Variants in NRXN1 observed in about 807,000 individuals in gnomAD.
The protein encoded by NRXN1 is neurexin-1.
In NRXN1, 39 loss-of-function variants were observed where a neutral mutation model predicts 150.9. That is an observed-to-expected ratio of 0.26 (90% confidence interval 0.20 to 0.34). NRXN1 has a LOEUF of 0.34. Ranked by LOEUF, NRXN1 falls within the 10% of genes least tolerant of loss-of-function variation. The pLI is 1.00. For synonymous variants in NRXN1, 924 were observed against 757.0 expected, an observed-to-expected ratio of 1.22 and a Z score of -3.62; for missense variants, 1,815 against 1,949.9, an observed-to-expected ratio of 0.93 and a Z score of 1.30.
At chr2:50,250,116 T>C (rs2066902546) in intron 17 of NRXN1, among the ~76,000 whole-genome samples, 1 of 152,176 alleles carries the variant, frequency 6.6e-6, no homozygotes, top group African/African-American at 2.4e-5. Context: ...AGTTTATTTT[T>C]TGAAATAGTA....
intron 17 of NRXN1, among the ~76,000 whole-genome samples, chr2:50,342,013 A>G (rs967670495): frequency 6.6e-6 from 1 of 152,214 alleles, no homozygotes; most frequent in African/African-American, 2.4e-5. Flanking sequence ...ACTAAGTTGT[A>G]AACTTCTTGA....
At chr2:50,748,174 A>G (rs1304711105) in intron 5 of NRXN1, among the ~76,000 whole-genome samples, 1 of 152,146 alleles carries the variant, frequency 6.6e-6, no homozygotes, top group African/African-American at 2.4e-5. Context: ...TAACCCAACC[A>G]AGACTGCTGA....
rs2065100217 is a variant in NRXN1 at position 50,233,069 on chromosome 2, A to T, written c.3546+3720T>A. 2.3e-5 allele frequency among the ~76,000 whole-genome samples: 3 copies of T among 129,116 alleles called. No individual in the cohort carries two copies. In the South Asian group the frequency reaches 7.6e-4, roughly 33 times the overall value. 84.7% of individuals were successfully genotyped at this position (129,116 alleles called of 152,430 possible). On this transcript the variant is annotated intron_variant, in intron 18 of 22. Transcript: ENST00000401669. Reference sequence around the variant, plus strand: ...TGTCTGTCACTTTACTTGACTGTTAAATAATTGAAGATCTACACTCATCCT... The same window carrying T: ...TGTCTGTCACTTTACTTGACTGTTATATAATTGAAGATCTACACTCATCCT...
chr2:50,943,581 C>G (rs906785823), intron 2 of NRXN1, among the ~76,000 whole-genome samples: 2 of 152,130 alleles, frequency 1.3e-5, no homozygotes, highest in African/African-American at 4.8e-5. Flanking sequence ...GACTAATTCT[C>G]TATATGTAAC....
chr2:49,989,597 G>A (rs1406772535), intron 21 of NRXN1, among the ~76,000 whole-genome samples: 2 of 152,142 alleles, frequency 1.3e-5, no homozygotes, highest in East Asian at 1.9e-4. Flanking sequence ...CTAAGTAAGG[G>A]CATTAGTAAA....
intron 17 of NRXN1, among the ~76,000 whole-genome samples, chr2:50,377,654 T>C (rs1378873808): frequency 6.6e-6 from 1 of 152,194 alleles, no homozygotes; most frequent in African/African-American, 2.4e-5. Context: ...TAACCTCAGA[T>C]CTCAGTTCCT....
chr2:50,351,604 A>G lies in NRXN1; in HGVS notation c.3364+113838T>C, dbSNP rs575010111. On this transcript the variant is annotated intron_variant, in intron 17 of 22. Transcript: ENST00000401669. ...CATAAACAGAGTATGTGACTCTAAG[A>G]GGCTTTTCACCCTTTATTATGAGGA... Among the ~76,000 whole-genome samples, 486 of 147,386 alleles carry G rather than the reference A, an allele frequency of 3.3e-3. 4 individuals are homozygous for G. The highest frequency in any genetic ancestry group is 0.012 in the African/African-American group (460 of 38,938).
intron 3 of NRXN1, among the ~76,000 whole-genome samples, chr2:50,923,248 T>C (rs748433963): frequency 1.3e-5 from 2 of 151,820 alleles, no homozygotes; most frequent in African/African-American, 2.4e-5. Context: ...CTTGTTCAAA[T>C]ACAAAATGAT....
intron 17 of NRXN1, among the ~76,000 whole-genome samples, chr2:50,300,993 G>C (rs56141805): frequency 0.017 from 2,600 of 152,212 alleles, 83 homozygotes; most frequent in African/African-American, 0.059. Flanking sequence ...ACCACGATCA[G>C]CTGAGTAGCC....
chr2:50,336,988 A>G (rs1420460375), intron 17 of NRXN1, among the ~76,000 whole-genome samples: 1 of 152,222 alleles, frequency 6.6e-6, no homozygotes, highest in African/African-American at 2.4e-5. Flanking sequence ...TGGCAATAAA[A>G]GCTAGAGGAG....
chr2:50,597,859 C>A (rs1370898782), intron 8 of NRXN1, among the ~76,000 whole-genome samples: 1 of 152,170 alleles, frequency 6.6e-6, no homozygotes, highest in East Asian at 1.9e-4. Flanking sequence ...CCATTCCCAG[C>A]GGGGCACAGT....
At chr2:50,307,216 T>A (rs1335819512) in intron 17 of NRXN1, among the ~76,000 whole-genome samples, 11 of 152,170 alleles carry the variant, frequency 7.2e-5, no homozygotes. Context: ...ACTCCTGACC[T>A]CGTGATTCAC....
chr2:50,267,599 C>T (rs1010381392), intron 17 of NRXN1, among the ~76,000 whole-genome samples: 1 of 152,074 alleles, frequency 6.6e-6, no homozygotes, highest in Admixed American at 6.5e-5. Context: ...TAAATTACCA[C>T]AACATTGTCA....
intron 15 of NRXN1, among the ~76,000 whole-genome samples, chr2:50,494,106 T>C (rs367704735): frequency 9.8e-5 from 15 of 152,326 alleles, no homozygotes; most frequent in African/African-American, 3.4e-4. Context: ...TAAGCAGATA[T>C]TTACTTCTCA....
chr2:50,964,207 C>T lies in NRXN1; in HGVS notation c.773-38252G>A, dbSNP rs990311640. The stretch of plus-strand genomic sequence containing the variant: ...AAGGAAAAACCTTTATGCTGTTAAT[C>T]ATCTCAAACTTTCTGCCATTCTAAG... On this transcript the variant is annotated intron_variant, in intron 2 of 22. Transcript: ENST00000401669. Among the ~76,000 whole-genome samples the T allele has an allele frequency of 9.9e-5, 15 of 151,532 alleles. 1 individual carries two copies. The highest frequency in any genetic ancestry group is 3.1e-4 in the African/African-American group (13 of 41,368).
intron 17 of NRXN1, among the ~76,000 whole-genome samples, chr2:50,373,749 T>G (rs1040293941): frequency 1.3e-5 from 2 of 151,076 alleles, no homozygotes; most frequent in African/African-American, 4.9e-5. Flanking sequence ...ATATTCTGTA[T>G]TGTTTTCTGA....
chr2:50,605,499 G>C (rs368505301), intron 8 of NRXN1, among the ~76,000 whole-genome samples: 1 of 152,012 alleles, frequency 6.6e-6, no homozygotes, highest in South Asian at 2.1e-4. Context: ...CTTCAAAGAA[G>C]AAATACAAAT....
intron 21 of NRXN1, among the ~76,000 whole-genome samples, chr2:49,996,981 T>C (rs1224802144): frequency 1.3e-5 from 2 of 152,234 alleles, no homozygotes; most frequent in Non-Finnish European, 2.9e-5. Context: ...AACATTTATG[T>C]TGTATTTTTT....
In NRXN1 at chr2:50,393,048, C is replaced by A. The variant is rs533295734; in HGVS notation, c.3364+72394G>T. The stretch of plus-strand genomic sequence containing the variant: ...GGGGAGAACTATAATGGATAAATTG[C>A]AGGCAACAAACCCAAGACATTTTCA... On this transcript the variant is annotated intron_variant, in intron 17 of 22. Transcript: ENST00000401669. Among the ~76,000 whole-genome samples, 51 of 152,038 alleles carry A rather than the reference C, an allele frequency of 3.4e-4. 3 individuals are homozygous for A. The South Asian group carries it at 0.011, about 32-fold the overall frequency.
Sources: allele counts gnomAD v4.1 joint callset (sites outside exome capture counted in the v4.1 genomes callset), GRCh38; gene constraint gnomAD v4.1.1; transcripts MANE v1.5; gene names NCBI Gene and HGNC (gene_info 2026-07-23, HGNC 2026-07-21).